COQ5: variants seen among roughly 807,000 people sequenced by gnomAD.
The protein encoded by COQ5 is coenzyme Q5, methyltransferase.
COQ5 carries 27 observed loss-of-function variants against 40.5 expected under a neutral mutation model. That is an observed-to-expected ratio of 0.67 (90% CI 0.49 to 0.92). The LOEUF is 0.92. COQ5 is among the 40% of genes least tolerant of loss of function. The pLI is 0.00. For synonymous variants in COQ5, 141 were observed against 150.0 expected (o/e 0.94, Z 0.44); for missense variants, 409 against 406.4 (o/e 1.01, Z -0.06).
At position 120,514,745 on chromosome 12, in the gene COQ5, A is replaced by AAACAACAACAACAACAACAACAAC. The variant is rs375392327; in HGVS notation, c.574+1798_574+1821dup. ...GCAACAGGGCAAGACTCTGTCTCAGAAACAACAACAACAACAACAACAACA... is the reference window on the plus strand; with the variant it reads ...GCAACAGGGCAAGACTCTGTCTCAGAAACAACAACAACAACAACAACAACAACAACAACAACAACAACAACAACA... On this transcript the variant is annotated intron_variant, in intron 3 of 6. Coordinates refer to ENST00000288532, the MANE Select transcript of COQ5 (RefSeq NM_032314.4). Among the ~76,000 whole-genome samples the AAACAACAACAACAACAACAACAAC allele has an allele frequency of 6.1e-5, 9 of 147,926 alleles. No individual in the cohort carries two copies. The East Asian group carries it at 1.6e-3, about 27-fold the overall frequency.
chr12:120,527,424 T>C (rs1218624582), intron 1 of COQ5: 1 of 152,144 alleles, frequency 6.6e-6, no homozygotes, highest in African/African-American at 2.4e-5. Flanking sequence ...CATTTCACTA[T>C]ACATTTATAA....
chr12:120,503,496 G>C lies in COQ5; in HGVS notation c.*288C>G, dbSNP rs1868725795. The C allele has an allele frequency of 1.8e-6, 1 of 548,094 alleles. No homozygotes were observed. 34.0% of individuals were successfully genotyped at this position (548,094 alleles called of 1,614,324 possible). A position where few individuals can be genotyped will look rare whatever the true frequency, so the allele number is the denominator to read the frequency against. On this transcript the variant is annotated 3_prime_UTR_variant, in exon 7 of 7. Transcript: ENST00000288532. ...ACACTCACTTCAAAACTGAGCTTTA[G>C]GGGTGGTTGTACCTTAACCACACAC...
At chr12:120,514,662 G>A (rs1869298152) in intron 3 of COQ5, among the ~76,000 whole-genome samples, 1 of 151,922 alleles carries the variant, frequency 6.6e-6, no homozygotes, top group East Asian at 2.0e-4. Flanking sequence ...AGAATTGCTT[G>A]AACCCGGGAG....
intron 3 of COQ5, among the ~76,000 whole-genome samples, chr12:120,513,089 A>G (rs939193695): frequency 6.7e-6 from 1 of 148,398 alleles, no homozygotes; most frequent in Non-Finnish European, 1.5e-5. Flanking sequence ...TGTGAGCCAC[A>G]GCACCCAGCC....
chr12:120,515,955 A>G (rs1794748), intron 3 of COQ5, among the ~76,000 whole-genome samples: 120,063 of 152,076 alleles, frequency 0.79, 47,787 homozygotes, highest in Admixed American at 0.85. Context: ...ACAGGGTCTC[A>G]CTCTGTCACT....
At chr12:120,509,708 G>C (rs1209047274) in intron 4 of COQ5, 1 of 337,758 alleles carries the variant, frequency 3.0e-6, no homozygotes, top group Non-Finnish European at 5.7e-6. Flanking sequence ...CTTCAAACAG[G>C]CATTCCACTC....
intron 1 of COQ5, among the ~76,000 whole-genome samples, chr12:120,524,692 T>A (rs1029492626): frequency 6.6e-6 from 1 of 152,202 alleles, no homozygotes; most frequent in Admixed American, 6.5e-5. Flanking sequence ...GTTCCTCAGA[T>A]GAAATGTGCT....
chr12:120,503,996 C>A lies in COQ5; in HGVS notation c.856G>T (p.Glu286Ter). The A allele has an allele frequency of 6.2e-7, 1 of 1,613,272 alleles. No individual in the cohort carries two copies. The highest frequency in any genetic ancestry group is 8.5e-7 in the Non-Finnish European group (1 of 1,179,192). The change falls in exon 6 of 7, where the codon GAG becomes TAG. Residue 286 changes from glutamate to a stop codon, truncating the protein, a stop_gained. Transcript: ENST00000288532. LOFTEE classifies it high-confidence loss of function. ...TGAGACGGAAACCTTCGGATACTCT[C>A]TACAAGGTACTGATAGGACTTCCAG... ...GDWKSYQYLV[E>*]SIRRFPSQEE...
intron 3 of COQ5, among the ~76,000 whole-genome samples, chr12:120,511,053 G>C (rs1002530810): frequency 6.6e-6 from 1 of 151,888 alleles, no homozygotes; most frequent in African/African-American, 2.4e-5. Context: ...GGCAGATCAC[G>C]AGGTCAGGAG....
intron 3 of COQ5, among the ~76,000 whole-genome samples, chr12:120,512,336 C>T (rs1027915493): frequency 6.6e-6 from 1 of 152,210 alleles, no homozygotes; most frequent in Non-Finnish European, 1.5e-5. Context: ...GGCGCGGTGG[C>T]TCATGCCTGT....
chr12:120,513,624 A>G (rs1869246307), intron 3 of COQ5, among the ~76,000 whole-genome samples: 1 of 148,230 alleles, frequency 6.7e-6, no homozygotes, highest in Admixed American at 6.8e-5. Context: ...GGTTCAAGAG[A>G]TTCTCGTGCC....
At position 120,517,869 on chromosome 12, in the gene COQ5, G is replaced by A. The variant is rs554806349; in HGVS notation, c.353-1081C>T. On this transcript the variant is annotated intron_variant, in intron 2 of 6. Transcript: ENST00000288532. Reference sequence around the variant, plus strand: ...GTTGCCCAGGCTGGAGTGCAATGGCGCGATCTGAGCTCACTGCAACCTCTG... The same window carrying A: ...GTTGCCCAGGCTGGAGTGCAATGGCACGATCTGAGCTCACTGCAACCTCTG... 2.7e-5 allele frequency among the ~76,000 whole-genome samples: 4 copies of A among 150,410 alleles called. No individual in the cohort carries two copies. The East Asian group carries it at 8.0e-4, about 30-fold the overall frequency.
Position 120,516,749 on chromosome 12 carries a change from T to C in COQ5, c.392A>G (p.Gln131Arg). 1.2e-6 allele frequency: 2 copies of C among 1,614,238 alleles called. No individual in the cohort carries two copies. The highest frequency in any genetic ancestry group is 1.7e-6 in the Non-Finnish European group (2 of 1,180,040). Reference protein sequence around the residue: ...AFRFLNYVQSQHQRKQKRQLR... With the variant: ...AFRFLNYVQSRHQRKQKRQLR... ...CTGCCTCTTCTGTTTTCTCTGATGC[T>C]GGGACTGAACATAATTAAGGAACCG... The change falls in exon 3 of 7, where the codon CAG (glutamine) becomes CGG (arginine). Residue 131 changes from glutamine (Q) to arginine (R), a missense_variant. Coordinates refer to ENST00000288532, the MANE Select transcript of COQ5 (RefSeq NM_032314.4).
At chr12:120,525,902 G>A (rs1869916119) in intron 1 of COQ5, among the ~76,000 whole-genome samples, 1 of 150,926 alleles carries the variant, frequency 6.6e-6, no homozygotes, top group Non-Finnish European at 1.5e-5. Flanking sequence ...TCCAGCCTGG[G>A]CGACAGAGCG....
At chr12:120,517,501 T>C (rs1227602471) in intron 2 of COQ5, among the ~76,000 whole-genome samples, 10 of 141,226 alleles carry the variant, frequency 7.1e-5, no homozygotes, top group African/African-American at 2.6e-4. Flanking sequence ...AAACCCCGTC[T>C]CTACTAAAAA....
chr12:120,521,493 T>C (rs1042072360), intron 2 of COQ5, among the ~76,000 whole-genome samples: 6 of 149,394 alleles, frequency 4.0e-5, no homozygotes, highest in Non-Finnish European at 8.9e-5. Flanking sequence ...CAGGCCAAGA[T>C]GGTGGAACCC....
In COQ5 at chr12:120,511,092, C is replaced by T. The variant is rs1481552595; in HGVS notation, c.575-969G>A. ...GAAACATGGTGAAACCCCGTCTCTA[C>T]TAAAAATACAAAAAATTAGCCGGGC... On this transcript the variant is annotated intron_variant, in intron 3 of 6. Transcript: ENST00000288532. 2.0e-5 allele frequency among the ~76,000 whole-genome samples: 3 copies of T among 151,822 alleles called. 1 individual carries two copies. The highest frequency in any genetic ancestry group is 7.3e-5 in the African/African-American group (3 of 41,350).
chr12:120,512,810 C>A (rs575385559), intron 3 of COQ5, among the ~76,000 whole-genome samples: 2 of 152,248 alleles, frequency 1.3e-5, no homozygotes, highest in Non-Finnish European at 1.5e-5. Context: ...GCAATCCCAG[C>A]ACTTTGGGAG....
At chr12:120,513,796 A>T (rs905361696) in intron 3 of COQ5, among the ~76,000 whole-genome samples, 15 of 152,234 alleles carry the variant, frequency 9.9e-5, no homozygotes, top group African/African-American at 3.4e-4. Flanking sequence ...CTGGGATTAC[A>T]GGTATAAGCT....
Sources: allele counts gnomAD v4.1 joint callset (sites outside exome capture counted in the v4.1 genomes callset), GRCh38; gene constraint gnomAD v4.1.1; transcripts MANE v1.5; gene names NCBI Gene and HGNC (gene_info 2026-07-23, HGNC 2026-07-21).